CNTNAP3B: variants seen among roughly 807,000 people sequenced by gnomAD.
CNTNAP3B encodes the protein contactin associated protein family member 3B.
In CNTNAP3B, 25 loss-of-function variants were observed where a neutral mutation model predicts 108.9. The observed-to-expected ratio is 0.23, with a 90% CI of 0.17 to 0.32. The LOEUF (loss-of-function observed/expected upper bound fraction) is 0.32. CNTNAP3B is among the 10% of genes least tolerant of loss of function. The pLI is 1.00. For synonymous variants in CNTNAP3B, 103 were observed against 473.4 expected (o/e 0.22, Z 10.16); for missense variants, 252 against 1,210.4 (o/e 0.21, Z 11.75).
chr9:42,086,446 T>A (rs958932883), intron 2 of CNTNAP3B, among the ~76,000 whole-genome samples: 4 of 16,714 alleles, frequency 2.4e-4, no homozygotes, highest in Non-Finnish European at 5.5e-4. Flanking sequence ...TTTTTTTACA[T>A]TTTTTTTTAC....
chr9:42,111,696 G>A (rs1324597847), intron 1 of CNTNAP3B, among the ~76,000 whole-genome samples: 3 of 138,626 alleles, frequency 2.2e-5, no homozygotes, highest in Non-Finnish European at 4.6e-5. Flanking sequence ...TACTCAATAA[G>A]TACACTGTCC....
chr9:42,087,471 G>A (rs964177105), intron 2 of CNTNAP3B, among the ~76,000 whole-genome samples: 4 of 129,792 alleles, frequency 3.1e-5, no homozygotes, highest in African/African-American at 1.2e-4. Context: ...GGTTCCCCAA[G>A]CTCATTATTT....
At chr9:41,961,586 G>A (rs1429287655) in intron 11 of CNTNAP3B, among the ~76,000 whole-genome samples, 1 of 152,296 alleles carries the variant, frequency 6.6e-6, no homozygotes, top group East Asian at 1.9e-4. Flanking sequence ...CTATGCGGCA[G>A]TTATACCCTT....
chr9:41,931,366 A>G (rs1823973202), intron 14 of CNTNAP3B, among the ~76,000 whole-genome samples: 1 of 152,196 alleles, frequency 6.6e-6, no homozygotes, highest in Non-Finnish European at 1.5e-5. Context: ...TATCCAATAA[A>G]TTACTGTTAA....
intron 15 of CNTNAP3B, among the ~76,000 whole-genome samples, chr9:41,926,238 T>C (rs1372403171): frequency 6.6e-6 from 1 of 152,182 alleles, no homozygotes; most frequent in East Asian, 1.9e-4. Flanking sequence ...ACATATTTGC[T>C]CATTCCCCAG....
intron 2 of CNTNAP3B, among the ~76,000 whole-genome samples, chr9:42,079,348 GACTCCACC>G (rs1827563315): frequency 7.5e-6 from 1 of 133,450 alleles, no homozygotes; most frequent in Non-Finnish European, 1.6e-5. Context: ...CCTTCCTGTT[GACTCCACC>G]AGATCTACTC....
chr9:41,976,823 G>A (rs1018688596), intron 9 of CNTNAP3B, among the ~76,000 whole-genome samples: 1 of 120,398 alleles, frequency 8.3e-6, no homozygotes, highest in Non-Finnish European at 1.7e-5. Context: ...AGAGGCTGAG[G>A]TGGAAGAAGT....
At chr9:42,021,149 A>AT (rs1274399505) in intron 3 of CNTNAP3B, among the ~76,000 whole-genome samples, 2 of 44,788 alleles carry the variant, frequency 4.5e-5, no homozygotes, top group African/African-American at 9.2e-5. Context: ...CCAAATATAT[A>AT]TTTTTTCACA....
intron 3 of CNTNAP3B, among the ~76,000 whole-genome samples, chr9:42,018,106 G>A (rs1826245431): frequency 7.4e-6 from 1 of 135,772 alleles, no homozygotes; most frequent in Non-Finnish European, 1.6e-5. Flanking sequence ...TAATTAAAAT[G>A]TTTCTATAGA....
chr9:41,956,321 G>A (rs149395459), intron 12 of CNTNAP3B, among the ~76,000 whole-genome samples: 2 of 151,668 alleles, frequency 1.3e-5, no homozygotes, highest in Non-Finnish European at 2.9e-5. Context: ...GGGAGGTGGA[G>A]GTTGCAGTGA....
rs1823693653 is a variant in CNTNAP3B at position 41,922,400 on chromosome 9, A to C, written c.2755+277T>G. 4.3e-5 allele frequency among the ~76,000 whole-genome samples: 6 copies of C among 140,216 alleles called. No individual in the cohort carries two copies. The South Asian group carries it at 1.4e-3, about 32-fold the overall frequency. The allele number at this position is 140,216 out of a possible 152,430, so 92.0% of individuals were successfully genotyped here. A position where few individuals can be genotyped will look rare whatever the true frequency, so the allele number is the denominator to read the frequency against. On this transcript the variant is annotated intron_variant, in intron 17 of 23. Coordinates refer to ENST00000377561, the MANE Select transcript of CNTNAP3B (RefSeq NM_001201380.3). ...AGAATCGCTTGAACCCGGCAGGTGG[A>C]GGTTTCAGTGGGCTGAGATTGCACC...
intron 12 of CNTNAP3B, among the ~76,000 whole-genome samples, chr9:41,957,947 A>G (rs1330866119): frequency 6.6e-6 from 1 of 152,172 alleles, no homozygotes; most frequent in Non-Finnish European, 1.5e-5. Context: ...TATTTTTAGT[A>G]GAGACAGGGT....
intron 3 of CNTNAP3B, among the ~76,000 whole-genome samples, chr9:42,063,862 T>C (rs1393216638): frequency 1.3e-5 from 2 of 150,534 alleles, no homozygotes; most frequent in East Asian, 1.9e-4. Flanking sequence ...GCTGACATTA[T>C]AGGTATGAGC....
intron 2 of CNTNAP3B, among the ~76,000 whole-genome samples, chr9:42,088,043 T>TA (rs1332593447): frequency 1.4e-5 from 1 of 70,538 alleles, no homozygotes; most frequent in Admixed American, 1.7e-4. Flanking sequence ...TTATGCTCCC[T>TA]AAAGGGAGCT....
chr9:41,922,940 A>T, intron 16 of CNTNAP3B, 45 bp from the exon 17 acceptor site: 2 of 1,362,366 alleles, frequency 1.5e-6, no homozygotes, highest in Non-Finnish European at 2.0e-6. Context: ...ATTCACAGAA[A>T]ATTGAGTCTT....
intron 3 of CNTNAP3B, among the ~76,000 whole-genome samples, chr9:42,066,517 C>T (rs1827268367): frequency 8.5e-6 from 1 of 117,594 alleles, no homozygotes; most frequent in South Asian, 2.9e-4. Flanking sequence ...ACCTCTGCCT[C>T]CCGGGTTCAA....
chr9:42,058,860 AC>A (rs1827130698), intron 3 of CNTNAP3B, among the ~76,000 whole-genome samples: 1 of 44,098 alleles, frequency 2.3e-5, no homozygotes, highest in Admixed American at 2.8e-4. Context: ...CATAAGTTTA[AC>A]TCTTTAATCC....
At chr9:41,928,426 C>T (rs1485552616) in intron 15 of CNTNAP3B, among the ~76,000 whole-genome samples, 516 of 151,196 alleles carry the variant, frequency 3.4e-3, no homozygotes, top group Non-Finnish European at 4.5e-3. Flanking sequence ...GGAGACAAGC[C>T]GGTCCCCGCC....
At position 42,098,181 on chromosome 9, in the gene CNTNAP3B, C is replaced by G. The variant is rs1378812629; in HGVS notation, c.196+6448G>C. Among the ~76,000 whole-genome samples, 3 of 137,976 alleles carry G rather than the reference C, an allele frequency of 2.2e-5. 1 individual carries two copies. Among genetic ancestry groups the G allele is most frequent in the South Asian group, 2.4e-4 (1 of 4,246 alleles). 90.5% of individuals were successfully genotyped at this position (137,976 alleles called of 152,430 possible). A position where few individuals can be genotyped will look rare whatever the true frequency, so the allele number is the denominator to read the frequency against. On this transcript the variant is annotated intron_variant, in intron 2 of 23. Transcript: ENST00000377561. ...TAAAAGCAACTTTTGACCATTTTCT[C>G]TGTGTGTGTGTCTACATAGCAAACT...
Sources: allele counts gnomAD v4.1 joint callset (sites outside exome capture counted in the v4.1 genomes callset), GRCh38; gene constraint gnomAD v4.1.1; transcripts MANE v1.5; gene names NCBI Gene and HGNC (gene_info 2026-07-23, HGNC 2026-07-21).